Variants in TANK observed in about 807,000 individuals in gnomAD.
TANK encodes the protein TRAF family member associated NFKB activator.
In TANK, 15 loss-of-function variants were observed where a neutral mutation model predicts 43.6. That is an observed-to-expected ratio of 0.34 (90% confidence interval 0.23 to 0.53). TANK has a LOEUF of 0.53. Among genes scored for constraint, TANK ranks in the 20% least tolerant of loss-of-function variants. TANK has a pLI of 0.94. For missense variants in TANK, 417 were observed against 498.6 expected (o/e 0.84, Z 1.56); for synonymous variants, 162 against 178.2 (o/e 0.91, Z 0.73).
At chr2:161,186,828 AAAAC>A (rs768950603) in intron 2 of TANK, among the ~76,000 whole-genome samples, 19 of 152,316 alleles carry the variant, frequency 1.2e-4, no homozygotes, top group Non-Finnish European at 2.2e-4. Flanking sequence ...CAAAACAACA[AAAAC>A]AAATCAATTT....
intron 4 of TANK, among the ~76,000 whole-genome samples, chr2:161,217,198 A>G (rs760941800): frequency 1.3e-5 from 2 of 152,164 alleles, no homozygotes; most frequent in African/African-American, 2.4e-5. Context: ...TGTCACTCCT[A>G]TGGAGAGGGG....
chr2:161,155,942 C>A, upstream of TANK: 1 of 653,912 alleles, frequency 1.5e-6, no homozygotes, highest in Non-Finnish European at 1.9e-6. Context: ...CAAATATTCC[C>A]AAAATATTCA....
At position 161,150,029 on chromosome 2, in the gene TANK, A is replaced by AT. The variant is rs1444882559; in HGVS notation, c.-50+12974dup. ...GAGTTAGTAAGCATCCTTTCCACCC[A>AT]TTTTTTTTCTAGCAGTTTGAAAATT... On this transcript the variant is annotated intron_variant, in intron 1 of 7. Coordinates refer to the TANK transcript ENST00000259075. Among the ~76,000 whole-genome samples the AT allele has an allele frequency of 5.9e-5, 9 of 151,416 alleles. No homozygotes were observed. In the East Asian group the frequency reaches 7.8e-4, roughly 13 times the overall value.
intron 1 of TANK, among the ~76,000 whole-genome samples, chr2:161,172,528 T>C (rs1438053689): frequency 6.6e-6 from 1 of 152,156 alleles, no homozygotes; most frequent in Non-Finnish European, 1.5e-5. Flanking sequence ...GCTTTCTTCC[T>C]CTTTATTATG....
chr2:161,228,913 A>G (rs1687769212), intron 6 of TANK, among the ~76,000 whole-genome samples: 1 of 152,252 alleles, frequency 6.6e-6, no homozygotes, highest in Non-Finnish European at 1.5e-5. Context: ...AGGCTATACC[A>G]TATAATGTAG....
chr2:161,176,192 T>C (rs1282838721), intron 1 of TANK, among the ~76,000 whole-genome samples: 1 of 152,176 alleles, frequency 6.6e-6, no homozygotes, highest in African/African-American at 2.4e-5. Context: ...AGCTGCCTCT[T>C]AATTTTATAC....
chr2:161,188,798 T>C (rs1685782540), intron 2 of TANK, among the ~76,000 whole-genome samples: 1 of 152,202 alleles, frequency 6.6e-6, no homozygotes, highest in South Asian at 2.1e-4. Flanking sequence ...TGAAATTTAA[T>C]TGCCAGTATA....
At chr2:161,143,282 A>G (rs1683805684) in intron 1 of TANK, among the ~76,000 whole-genome samples, 2 of 152,070 alleles carry the variant, frequency 1.3e-5, no homozygotes, top group African/African-American at 4.8e-5. Context: ...AGACAATTTG[A>G]CTTCTTCTCT....
At chr2:161,178,132 C>T (rs1409313323) in intron 1 of TANK, among the ~76,000 whole-genome samples, 1 of 152,056 alleles carries the variant, frequency 6.6e-6, no homozygotes, top group African/African-American at 2.4e-5. Context: ...GATAGAATTA[C>T]CATATGACTC....
At chr2:161,202,004 T>G (rs1034970778) in intron 2 of TANK, among the ~76,000 whole-genome samples, 1 of 152,218 alleles carries the variant, frequency 6.6e-6, no homozygotes, top group Admixed American at 6.5e-5. Flanking sequence ...TATAAGTTAC[T>G]TAATCCATAT....
intron 1 of TANK, chr2:161,161,351 A>G: frequency 6.4e-7 from 1 of 1,550,774 alleles, no homozygotes; most frequent in Non-Finnish European, 8.7e-7. Context: ...GCGACGTGAA[A>G]TTGAAGGAAA....
chr2:161,210,446 TGACAATATGGAGACCTACA>T (rs1278931665), intron 4 of TANK, among the ~76,000 whole-genome samples: 1 of 152,066 alleles, frequency 6.6e-6, no homozygotes, highest in Admixed American at 6.6e-5. Context: ...GTTGGGGAAA[TGACAATATGGAGACCTACA>T]GCAATTAGCA....
intron 4 of TANK, chr2:161,207,240 G>A (rs1305735607): frequency 2.7e-5 from 6 of 223,626 alleles, no homozygotes; most frequent in Non-Finnish European, 3.7e-5. Context: ...TGTGTGCAAA[G>A]AGTGAATAAT....
At chr2:161,199,902 T>C (rs1686328606) in intron 2 of TANK, among the ~76,000 whole-genome samples, 1 of 152,028 alleles carries the variant, frequency 6.6e-6, no homozygotes, top group Non-Finnish European at 1.5e-5. Context: ...AATAATAAAA[T>C]AAAAAACAAA....
Position 161,160,487 on chromosome 2 carries a change from G to A in TANK, c.-50+1G>A. ...GAACGCAGCTGAAAGCGTGAACTGT[G>A]TGAGTAAGAAACTTTGTGAATTGGT... On this transcript the variant is annotated splice_donor_variant, in intron 1 of 7. Coordinates refer to ENST00000392749, the MANE Select transcript of TANK (RefSeq NM_001199135.3). LOFTEE classifies it low-confidence loss of function (5UTR_SPLICE). The A allele has an allele frequency of 8.0e-7, 1 of 1,253,568 alleles. No homozygotes were observed. Among genetic ancestry groups the A allele is most frequent in the Non-Finnish European group, 1.0e-6 (1 of 997,868 alleles). The allele number at this position is 1,253,568 out of a possible 1,614,324, so 77.7% of individuals were successfully genotyped here.
chr2:161,167,838 A>G (rs1684757944), intron 1 of TANK, among the ~76,000 whole-genome samples: 1 of 151,998 alleles, frequency 6.6e-6, no homozygotes. Context: ...GTTAGCCAGG[A>G]TGGTCTCGAT....
intron 7 of TANK, among the ~76,000 whole-genome samples, chr2:161,233,398 AAATAAT>A (rs961363781): frequency 1.3e-5 from 2 of 152,084 alleles, no homozygotes; most frequent in African/African-American, 4.8e-5. Context: ...CCCTGTCTCA[AAATAAT>A]AATAATAATT....
intron 1 of TANK, among the ~76,000 whole-genome samples, chr2:161,167,276 C>T (rs1380613393): frequency 1.3e-5 from 2 of 152,300 alleles, no homozygotes; most frequent in African/African-American, 4.8e-5. Flanking sequence ...ATATACATAA[C>T]TGATCAAAGC....
rs569523757 is a variant in TANK, at chr2:161,165,215, CT to C, written c.-50+4732del. 3.9e-4 allele frequency among the ~76,000 whole-genome samples: 59 copies of C among 152,164 alleles called. 1 individual carries two copies. The South Asian group carries it at 0.012, about 31-fold the overall frequency. ...CTTAGCAAGTTGAACTTATGAGAGT[CT>C]TTGAAATAGTTGCAGTATGAGAATT... On this transcript the variant is annotated intron_variant, in intron 1 of 7. Coordinates refer to ENST00000392749, the MANE Select transcript of TANK (RefSeq NM_001199135.3).
Sources: gnomAD v4.1 joint callset for allele counts (sites outside exome capture counted in the v4.1 genomes callset) on GRCh38, gnomAD v4.1.1 for gene constraint, MANE v1.5 for transcripts, NCBI Gene and HGNC (gene_info 2026-07-23, HGNC 2026-07-21) for gene names.